DCHS2: variants seen among roughly 807,000 people sequenced by gnomAD.
DCHS2 encodes the protein dachsous cadherin-related 2, also known as protocadherin-23.
Under a neutral mutation model 182.4 loss-of-function variants are expected in DCHS2, and 142 were observed. The observed-to-expected ratio is 0.78, with a 90% CI of 0.68 to 0.89. The LOEUF (loss-of-function observed/expected upper bound fraction) is 0.89, where lower values mean the gene tolerates loss of function less well. Among genes scored for constraint, DCHS2 ranks in the 40% least tolerant of loss-of-function variants. DCHS2 has a pLI of 0.00. For synonymous variants in DCHS2, 1,740 were observed against 1,663.3 expected (o/e 1.05, Z -1.12); for missense variants, 4,319 against 4,198.6 (o/e 1.03, Z -0.79).
chr4:154,424,957 G>A (rs754926623), intron 1 of DCHS2, among the ~76,000 whole-genome samples: 4 of 152,144 alleles, frequency 2.6e-5, no homozygotes, highest in Non-Finnish European at 4.4e-5. Flanking sequence ...ATTCACTTCT[G>A]GCAGCTCTAT....
chr4:154,260,494 A>T (rs978262352), intron 14 of DCHS2, among the ~76,000 whole-genome samples: 26 of 151,484 alleles, frequency 1.7e-4, no homozygotes, highest in African/African-American at 5.8e-4. Context: ...TGAATTTAAT[A>T]AAAAAAAAGA....
At chr4:154,370,022 C>T (rs1730571169) in intron 2 of DCHS2, among the ~76,000 whole-genome samples, 1 of 152,192 alleles carries the variant, frequency 6.6e-6, no homozygotes, top group Non-Finnish European at 1.5e-5. Flanking sequence ...TTAATAACAT[C>T]TCTCCTTCAC....
rs1165349594 is a variant in DCHS2 at position 154,491,076 on chromosome 4, G to C, written c.280C>G (p.Gln94Glu). The C allele has an allele frequency of 6.4e-7, 1 of 1,551,278 alleles. No individual in the cohort carries two copies. Among genetic ancestry groups the C allele is most frequent in the South Asian group, 1.2e-5 (1 of 84,052 alleles). ...GDIRAGLPAA[Q>E]QQEGSGFFLS... The stretch of plus-strand genomic sequence containing the variant: ...AAGAAGCCGCTCCCCTCCTGCTGCT[G>C]CGCGGCCGGCAGCCCGGCGCGGATG... Residue 94 changes from glutamine (Q) to glutamate (E), a missense_variant, in exon 1 of 20, where the codon CAG becomes GAG. By Grantham distance (29) the Gln-to-Glu change is conservative. Coordinates refer to ENST00000357232, the MANE Select transcript of DCHS2 (RefSeq NM_001358235.2).
chr4:154,356,723 AC>A (rs1729889768), intron 3 of DCHS2, among the ~76,000 whole-genome samples: 1 of 152,188 alleles, frequency 6.6e-6, no homozygotes, highest in Admixed American at 6.6e-5. Flanking sequence ...AATAGGCTAT[AC>A]CATATAGCCT....
chr4:154,350,065 C>T (rs1378883022), intron 3 of DCHS2, among the ~76,000 whole-genome samples: 2 of 152,184 alleles, frequency 1.3e-5, no homozygotes, highest in Admixed American at 1.3e-4. Context: ...AATCATGAAA[C>T]TTCTCTCAGC....
chr4:154,415,167 T>C (rs1732784561), intron 1 of DCHS2, among the ~76,000 whole-genome samples: 1 of 152,208 alleles, frequency 6.6e-6, no homozygotes, highest in African/African-American at 2.4e-5. Context: ...AATTAATAGA[T>C]GAGGGAACTA....
chr4:154,350,809 G>T (rs1048033591), intron 3 of DCHS2, among the ~76,000 whole-genome samples: 1 of 152,190 alleles, frequency 6.6e-6, no homozygotes, highest in Non-Finnish European at 1.5e-5. Context: ...GGTAGAAGAT[G>T]TCAGAAAATC....
At position 154,489,232 on chromosome 4, in the gene DCHS2, C is replaced by G. The variant is rs550596127; in HGVS notation, c.2052+72G>C. 15 of 1,271,210 alleles carry G rather than the reference C, an allele frequency of 1.2e-5. No individual in the cohort carries two copies. The East Asian group carries it at 1.5e-4, about 13-fold the overall frequency. The allele number at this position is 1,271,210 out of a possible 1,614,324, so 78.7% of individuals were successfully genotyped here. The stretch of plus-strand genomic sequence containing the variant: ...AATATTATCCTCCACATCACAATTT[C>G]CTAGGCCAACTCACAACCCTCTCCA... On this transcript the variant is annotated intron_variant, in intron 1 of 19. Coordinates refer to ENST00000357232, the MANE Select transcript of DCHS2 (RefSeq NM_001358235.2).
intron 1 of DCHS2, among the ~76,000 whole-genome samples, chr4:154,447,226 G>C (rs961383012): frequency 6.6e-6 from 1 of 152,050 alleles, no homozygotes; most frequent in African/African-American, 2.4e-5. Flanking sequence ...TGGGAGGCAG[G>C]GGATGCAGTG....
chr4:154,293,865 G>T (rs539138270), intron 13 of DCHS2, among the ~76,000 whole-genome samples: 12 of 152,236 alleles, frequency 7.9e-5, no homozygotes, highest in African/African-American at 2.9e-4. Context: ...CTTGGTCGCG[G>T]GGTCAACTCA....
chr4:154,478,885 G>T (rs937616286), intron 1 of DCHS2, among the ~76,000 whole-genome samples: 2 of 152,138 alleles, frequency 1.3e-5, no homozygotes, highest in Non-Finnish European at 2.9e-5. Context: ...GTAACACTCA[G>T]AAGAATCTAC....
intron 13 of DCHS2, among the ~76,000 whole-genome samples, chr4:154,279,768 T>G (rs917044868): frequency 3.3e-5 from 5 of 151,622 alleles, no homozygotes. Context: ...ACACTTACAT[T>G]AAAAAAGAAG....
At chr4:154,317,913 T>C (rs530157079) in intron 9 of DCHS2, among the ~76,000 whole-genome samples, 1 of 152,276 alleles carries the variant, frequency 6.6e-6, no homozygotes, top group East Asian at 1.9e-4. Context: ...TCCAAATGAA[T>C]TCAGCCATTA....
At chr4:154,301,424 A>G (rs2111290830) in intron 12 of DCHS2, among the ~76,000 whole-genome samples, 1 of 152,330 alleles carries the variant, frequency 6.6e-6, no homozygotes, top group African/African-American at 2.4e-5. Flanking sequence ...TTCAGTTCTT[A>G]CATCTGTAAC....
At chr4:154,414,498 T>G (rs1381096318) in intron 1 of DCHS2, among the ~76,000 whole-genome samples, 24 of 145,268 alleles carry the variant, frequency 1.7e-4, no homozygotes, top group Admixed American at 1.6e-3. Flanking sequence ...TTTTTTTTTT[T>G]TTTTTTTTTT....
chr4:154,347,582 G>A (rs1237243909), intron 3 of DCHS2, among the ~76,000 whole-genome samples: 1 of 151,826 alleles, frequency 6.6e-6, no homozygotes, highest in East Asian at 1.9e-4. Context: ...CTGTAGCATA[G>A]TGTCTGACAT....
At position 154,322,324 on chromosome 4, in the gene DCHS2, A is replaced by T; in HGVS notation, c.4176+7T>A. On this transcript the variant is annotated splice_region_variant and intron_variant, in intron 8 of 19. Transcript: ENST00000357232. The stretch of plus-strand genomic sequence containing the variant: ...TGTCCTTCCATATTTTATGGTGACA[A>T]CATTACCTGAATATTAACAACTGCC... The T allele has an allele frequency of 6.2e-7, 1 of 1,613,178 alleles. No homozygotes were observed. The highest frequency in any genetic ancestry group is 8.5e-7 in the Non-Finnish European group (1 of 1,179,600).
intron 13 of DCHS2, among the ~76,000 whole-genome samples, chr4:154,270,920 C>T (rs1733560476): frequency 1.3e-5 from 2 of 152,018 alleles, no homozygotes; most frequent in African/African-American, 2.4e-5. Flanking sequence ...AACTTAACTG[C>T]AAGACATGAA....
At position 154,333,456 on chromosome 4, in the gene DCHS2, C is replaced by G; in HGVS notation, c.2752G>C (p.Asp918His). The G allele has an allele frequency of 6.2e-7, 1 of 1,613,784 alleles. No individual in the cohort carries two copies. Among genetic ancestry groups the G allele is most frequent in the Non-Finnish European group, 8.5e-7 (1 of 1,179,910 alleles). Residue 918 changes from aspartate (D) to histidine (H), a missense_variant, in exon 5 of 20, where the codon GAT becomes CAT. Coordinates refer to ENST00000357232, the MANE Select transcript of DCHS2 (RefSeq NM_001358235.2). ...TGAATGGAGAACTTTCCGCCGAGAT[C>G]ACCAGAAGAAATCCTGTAAAAGATT... is the stretch of plus-strand genomic sequence containing the variant. ...EPIFYRISSG[D>H]LGGKFSIHPR...
Sources: allele counts gnomAD v4.1 joint callset (sites outside exome capture counted in the v4.1 genomes callset), GRCh38; gene constraint gnomAD v4.1.1; transcripts MANE v1.5; gene names NCBI Gene and HGNC (gene_info 2026-07-23, HGNC 2026-07-21).